Variants in KIAA1217 observed in about 807,000 individuals in gnomAD.
KIAA1217 encodes KIAA1217.
In KIAA1217, 88 loss-of-function variants were observed where a neutral mutation model predicts 163.9. The ratio of observed to expected loss-of-function variants is 0.54; its 90% CI spans 0.45 to 0.64. The LOEUF (loss-of-function observed/expected upper bound fraction) is 0.64. KIAA1217 is among the 30% of genes least tolerant of loss of function. The pLI is 0.00. For synonymous variants in KIAA1217, 903 were observed against 923.1 expected (o/e 0.98, Z 0.39); for missense variants, 2,372 against 2,475.0 (o/e 0.96, Z 0.88).
chr10:24,402,315 G>C (rs1251594330), intron 3 of KIAA1217, among the ~76,000 whole-genome samples: 1 of 151,838 alleles, frequency 6.6e-6, no homozygotes, highest in Admixed American at 6.6e-5. Context: ...GACCATCCTG[G>C]CTAACACGGT....
At position 24,433,146 on chromosome 10, in the gene KIAA1217, C is replaced by T. The variant is rs1309255311; in HGVS notation, c.705C>T (p.Tyr235=). 2 of 1,613,980 alleles carry T rather than the reference C, an allele frequency of 1.2e-6. No homozygotes were observed. The highest frequency in any genetic ancestry group is 1.3e-5 in the African/African-American group (1 of 74,912). Residue 235 remains tyrosine, a synonymous_variant, in exon 4 of 21, where the codon TAC becomes TAT. Transcript: ENST00000376454. ...TGGAATCGCCCAGTGTCGCCATTTA[C>T]ATCAAAGATGAAAGCAGAAATGTCT... ...KMLESPSVAI[Y]IKDESRNVYY... is the part of the protein sequence containing the mutation.
intron 1 of KIAA1217, among the ~76,000 whole-genome samples, chr10:23,825,304 G>A (rs1267917382): frequency 6.6e-6 from 1 of 152,154 alleles, no homozygotes; most frequent in African/African-American, 2.4e-5. Context: ...TCTCTTAGAT[G>A]TTAACTCAGA....
In KIAA1217 at chr10:24,473,417, A is replaced by T; in HGVS notation, c.1036A>T (p.Ile346Phe). Reference sequence around the variant, plus strand: ...CATGGTTGTTCCTGGCAATGCCACCATCCCCAGGGACAGAATCTCCAGCCT... The same window carrying T: ...CATGGTTGTTCCTGGCAATGCCACCTTCCCCAGGGACAGAATCTCCAGCCT... ...RSMVVPGNAT[I>F]PRDRISSLPV... is the part of the protein sequence containing the mutation. The change falls in exon 6 of 21, where the codon ATC becomes TTC. Residue 346 changes from isoleucine to phenylalanine, a missense_variant. Transcript: ENST00000376454. 1 of 1,613,918 alleles carries T rather than the reference A, an allele frequency of 6.2e-7. No individual in the cohort carries two copies. Among genetic ancestry groups the T allele is most frequent in the Admixed American group, 1.7e-5 (1 of 60,002 alleles).
intron 3 of KIAA1217, among the ~76,000 whole-genome samples, chr10:24,403,721 G>A (rs2056843029): frequency 6.6e-6 from 1 of 152,112 alleles, no homozygotes; most frequent in South Asian, 2.1e-4. Flanking sequence ...CTAAAGAGGA[G>A]GTACAGATGG....
At chr10:24,104,693 T>C (rs574885650) in intron 2 of KIAA1217, among the ~76,000 whole-genome samples, 41 of 152,196 alleles carry the variant, frequency 2.7e-4, no homozygotes, top group Admixed American at 5.2e-4. Context: ...AACTCGTTGA[T>C]TGTAATAAAT....
At chr10:24,245,430 T>G (rs1421100854) in intron 2 of KIAA1217, among the ~76,000 whole-genome samples, 1 of 152,192 alleles carries the variant, frequency 6.6e-6, no homozygotes, top group Non-Finnish European at 1.5e-5. Context: ...ACTGTAGACT[T>G]GCCAGAAAGG....
intron 1 of KIAA1217, among the ~76,000 whole-genome samples, chr10:23,938,247 A>G (rs914374932): frequency 6.6e-6 from 1 of 152,200 alleles, no homozygotes; most frequent in Non-Finnish European, 1.5e-5. Flanking sequence ...ATAGGGAATC[A>G]GATAGAGTGC....
chr10:24,524,193 G>T, intron 12 of KIAA1217, 130 bp from the exon 13 acceptor site: 1 of 839,934 alleles, frequency 1.2e-6, no homozygotes, highest in Non-Finnish European at 1.9e-6. Flanking sequence ...GTCTATACAT[G>T]TCCCTAAGCG....
chr10:24,246,137 G>A (rs906610488), intron 2 of KIAA1217, among the ~76,000 whole-genome samples: 2 of 152,250 alleles, frequency 1.3e-5, no homozygotes, highest in East Asian at 1.9e-4. Context: ...ACTGAAGAAA[G>A]CAGCTCCGGT....
At chr10:23,758,692 T>C (rs571360260) in intron 1 of KIAA1217, among the ~76,000 whole-genome samples, 16 of 144,630 alleles carry the variant, frequency 1.1e-4, no homozygotes, top group Admixed American at 8.9e-4. Flanking sequence ...CTTTCTTTTT[T>C]TTTTTTTTTT....
At chr10:23,769,402 G>A (rs1434834540) in intron 1 of KIAA1217, among the ~76,000 whole-genome samples, 2 of 152,152 alleles carry the variant, frequency 1.3e-5, no homozygotes, top group African/African-American at 4.8e-5. Context: ...ATTGAGGGGA[G>A]GGGGGACAGT....
Position 24,209,151 on chromosome 10 carries a change from G to C in KIAA1217, c.-43G>C, listed in dbSNP as rs942563368. 1.3e-6 allele frequency: 2 copies of C among 1,591,362 alleles called. No individual in the cohort carries two copies. The highest frequency in any genetic ancestry group is 2.7e-5 in the African/African-American group (2 of 74,446). ...CTGGGAGCTTTTAGAACTGCGCTCT[G>C]AAGTTTCCAGAGAGCGAGGAGCTTT... On this transcript the variant is annotated 5_prime_UTR_variant, in exon 1 of 21. Coordinates refer to ENST00000376454, the MANE Select transcript of KIAA1217 (RefSeq NM_019590.5).
intron 2 of KIAA1217, among the ~76,000 whole-genome samples, chr10:24,179,589 T>C (rs2066071411): frequency 6.6e-6 from 1 of 152,114 alleles, no homozygotes; most frequent in Non-Finnish European, 1.5e-5. Context: ...ATTCTTTCTT[T>C]CTTTTCTTTT....
At position 23,804,175 on chromosome 10, in the gene KIAA1217, G is replaced by A. The variant is rs1836626146; in HGVS notation, c.-321+108941G>A. Reference sequence around the variant, plus strand: ...AACCAGCACTTTTTTTTTCTTCATTGCTGGTTCTTCACCTTTATTAGGAGG... The same window carrying A: ...AACCAGCACTTTTTTTTTCTTCATTACTGGTTCTTCACCTTTATTAGGAGG... On this transcript the variant is annotated intron_variant, in intron 1 of 18. Transcript: ENST00000376462. Among the ~76,000 whole-genome samples, 4 of 151,612 alleles carry A rather than the reference G, an allele frequency of 2.6e-5. No individual in the cohort carries two copies. In the South Asian group the frequency reaches 8.3e-4, roughly 32 times the overall value.
At chr10:24,447,350 T>C (rs1384342054) in intron 5 of KIAA1217, among the ~76,000 whole-genome samples, 2 of 152,124 alleles carry the variant, frequency 1.3e-5, no homozygotes, top group African/African-American at 4.8e-5. Context: ...AACTCGTCAT[T>C]ACATTAGGTA....
At chr10:24,164,625 T>TA (rs2065261938) in intron 2 of KIAA1217, among the ~76,000 whole-genome samples, 1 of 152,192 alleles carries the variant, frequency 6.6e-6, no homozygotes. Flanking sequence ...AGGAGACACT[T>TA]AGATAGTAGT....
intron 2 of KIAA1217, chr10:24,239,131 A>G: frequency 5.1e-6 from 5 of 985,094 alleles, no homozygotes; most frequent in Non-Finnish European, 6.0e-6. Flanking sequence ...TAGCTACTCA[A>G]AAAGTCCTAT....
In KIAA1217 at chr10:24,545,061, C is replaced by T. The variant is rs368721321; in HGVS notation, c.5292C>T (p.Pro1764=). 21 of 1,614,098 alleles carry T rather than the reference C, an allele frequency of 1.3e-5. No individual in the cohort carries two copies. The highest frequency in any genetic ancestry group is 1.6e-4 in the Middle Eastern group (1 of 6,062). Residue 1764 remains proline (P), a synonymous_variant, in exon 20 of 21, where the codon CCC becomes CCT. Coordinates refer to ENST00000376454, the MANE Select transcript of KIAA1217 (RefSeq NM_019590.5). ...AKNRPGTLDK[P]GKQSKLQDPR... Reference sequence around the variant, plus strand: ...ACAGACCCGGAACCCTGGACAAACCCGGCAAGCAGTCCAAACTGCAGGATC... The same window carrying T: ...ACAGACCCGGAACCCTGGACAAACCTGGCAAGCAGTCCAAACTGCAGGATC...
At chr10:24,411,833 TGTAAACATTGAAAAC>T (rs2057802994) in intron 3 of KIAA1217, among the ~76,000 whole-genome samples, 1 of 152,100 alleles carries the variant, frequency 6.6e-6, no homozygotes, top group Non-Finnish European at 1.5e-5. Flanking sequence ...TGGGTCTTGC[TGTAAACATTGAAAAC>T]TTTTAGTTTT....
Sources: allele counts gnomAD v4.1 joint callset (sites outside exome capture counted in the v4.1 genomes callset), GRCh38; gene constraint gnomAD v4.1.1; transcripts MANE v1.5; gene names NCBI Gene and HGNC (gene_info 2026-07-23, HGNC 2026-07-21).